NUP210: variants seen among roughly 807,000 people sequenced by gnomAD.
NUP210 encodes nuclear pore membrane glycoprotein 210.
Under a neutral mutation model 196.0 loss-of-function variants are expected in NUP210, and 151 were observed. The ratio of observed to expected loss-of-function variants is 0.77; its 90% CI spans 0.67 to 0.88. The LOEUF is 0.88. Among genes scored for constraint, NUP210 ranks in the 40% least tolerant of loss-of-function variants. The pLI, the probability that NUP210 is intolerant of heterozygous loss-of-function variation, is 0.00. For synonymous variants in NUP210, 1,070 were observed against 1,052.7 expected (o/e 1.02, Z -0.32); for missense variants, 2,314 against 2,493.7 (o/e 0.93, Z 1.53).
intron 3 of NUP210, 105 bp downstream of exon 3, chr3:13,397,252 A>G (rs769229346): frequency 3.5e-5 from 48 of 1,376,724 alleles, no homozygotes; most frequent in Non-Finnish European, 4.7e-5. Context: ...AGGGACCTGC[A>G]GGGTTGGATG....
At chr3:13,344,825 C>T in intron 20 of NUP210, 1 of 663,682 alleles carries the variant, frequency 1.5e-6, no homozygotes, top group African/African-American at 2.0e-5. Flanking sequence ...CCTCGCAGCC[C>T]ACCTTAAAGA....
intron 16 of NUP210, chr3:13,354,385 C>T (rs968824678): frequency 3.7e-5 from 17 of 462,872 alleles, no homozygotes; most frequent in South Asian, 9.6e-5. Context: ...GCTGTCCCTA[C>T]GCATGAGTCA....
intron 28 of NUP210, among the ~76,000 whole-genome samples, chr3:13,334,643 C>A (rs1010919907): frequency 6.6e-6 from 1 of 152,086 alleles, no homozygotes; most frequent in Admixed American, 6.5e-5. Context: ...TTAGGAGCAC[C>A]CAGGGGTTAC....
intron 25 of NUP210, among the ~76,000 whole-genome samples, chr3:13,338,534 C>T (rs1697322359): frequency 6.6e-6 from 1 of 152,204 alleles, no homozygotes; most frequent in Non-Finnish European, 1.5e-5. Context: ...ATGCCTGGCA[C>T]ACAGTAAGTG....
rs1696307526 is a variant in NUP210 at position 13,317,267 on chromosome 3, C to G, written c.*414G>C. ...CCAAAAACCCCCTAAAGTAACTGGA[C>G]AATCCTTTCCCTGAGACCACTACAG... On this transcript the variant is annotated 3_prime_UTR_variant, in exon 40 of 40. Transcript: ENST00000254508. 2 of 201,774 alleles carry G rather than the reference C, an allele frequency of 9.9e-6. No individual in the cohort carries two copies. Among genetic ancestry groups the G allele is most frequent in the South Asian group, 1.5e-4 (2 of 13,740 alleles). 12.5% of individuals were successfully genotyped at this position (201,774 alleles called of 1,614,324 possible). A position where few individuals can be genotyped will look rare whatever the true frequency, so the allele number is the denominator to read the frequency against.
At position 13,379,543 on chromosome 3, in the gene NUP210, C is replaced by T. The variant is rs1699032849; in HGVS notation, c.976+20G>A. On this transcript the variant is annotated intron_variant, in intron 7 of 39. Transcript: ENST00000254508. The surrounding 1 kb of genome is among the most constrained non-coding windows in gnomAD (Gnocchi z 4.2). ...CAGCTCCGCCATGCCTAAGAACACA[C>T]AAGCCCAAGAAAAGGATATTCCTGT... The T allele has an allele frequency of 1.2e-6, 2 of 1,614,066 alleles. No homozygotes were observed. Among genetic ancestry groups the T allele is most frequent in the Non-Finnish European group, 1.7e-6 (2 of 1,180,000 alleles).
intron 16 of NUP210, among the ~76,000 whole-genome samples, chr3:13,357,613 T>C (rs1294007823): frequency 6.6e-6 from 1 of 152,150 alleles, no homozygotes; most frequent in African/African-American, 2.4e-5. Context: ...TCCCTTACCC[T>C]GGACACACTC....
rs560428056 is a variant in NUP210, at chr3:13,386,546, C to T, written c.685-139G>A. 338 of 1,150,272 alleles carry T rather than the reference C, an allele frequency of 2.9e-4. 1 individual carries two copies. The South Asian group carries it at 3.1e-3, about 11-fold the overall frequency. The allele number at this position is 1,150,272 out of a possible 1,614,324, so 71.3% of individuals were successfully genotyped here. ...AGAAACAAGATATCATTCCCAAATC[C>T]TCACTTTCAGAACCCAGAGGTCCCA... On this transcript the variant is annotated intron_variant, in intron 5 of 39. Coordinates refer to ENST00000254508, the MANE Select transcript of NUP210 (RefSeq NM_024923.4).
rs559851337 is a variant in NUP210 at position 13,323,536 on chromosome 3, G to A, written c.4645-104C>T. The stretch of plus-strand genomic sequence containing the variant: ...TGCAGTCTGTGACATAGTGTCACCC[G>A]TTTCACAGGTGGCAACACTGAGGCT... On this transcript the variant is annotated intron_variant, in intron 33 of 39. Coordinates refer to ENST00000254508, the MANE Select transcript of NUP210 (RefSeq NM_024923.4). The surrounding 1 kb of genome is among the most constrained non-coding windows in gnomAD (Gnocchi z 4.3). 1.7e-4 allele frequency: 219 copies of A among 1,322,256 alleles called. 4 individuals carry two copies. The East Asian group carries it at 4.8e-3, about 29-fold the overall frequency. The allele number at this position is 1,322,256 out of a possible 1,614,324, so 81.9% of individuals were successfully genotyped here.
chr3:13,388,084 A>C (rs1056756915), intron 5 of NUP210, among the ~76,000 whole-genome samples: 4 of 152,144 alleles, frequency 2.6e-5, no homozygotes, highest in Non-Finnish European at 4.4e-5. Flanking sequence ...GCACCCCTAG[A>C]GATGCTTTCT....
chr3:13,377,401 C>A, intron 9 of NUP210, 55 bp downstream of exon 9: 1 of 1,290,984 alleles, frequency 7.7e-7, no homozygotes, highest in South Asian at 1.2e-5. Flanking sequence ...TCAGCAGCCG[C>A]GTCAGACAAC....
At chr3:13,338,958 A>C (rs1027415257) in intron 25 of NUP210, among the ~76,000 whole-genome samples, 3 of 152,092 alleles carry the variant, frequency 2.0e-5, no homozygotes, top group African/African-American at 4.8e-5. Context: ...TCAGGAGAAA[A>C]ATCAGCCAGC....
Position 13,327,210 on chromosome 3 carries a change from A to G in NUP210, c.4507+7T>C, listed in dbSNP as rs774619924. 2.5e-6 allele frequency: 4 copies of G among 1,610,804 alleles called. No individual in the cohort carries two copies. Among genetic ancestry groups the G allele is most frequent in the African/African-American group, 2.7e-5 (2 of 74,850 alleles). ...CCACAGGTTCCCTTGCTCAGGATCT[A>G]TCTTACCTTCCAGGCTGGTCAGAAC... On this transcript the variant is annotated splice_region_variant and intron_variant, in intron 32 of 39. Transcript: ENST00000254508.
intron 17 of NUP210, 43 bp downstream of exon 17, chr3:13,353,870 GTC>G (rs779519812): frequency 3.9e-6 from 6 of 1,557,588 alleles, no homozygotes; most frequent in Non-Finnish European, 5.2e-6. Flanking sequence ...TTCCTGTCTG[GTC>G]TCTGTTCTCC....
At chr3:13,359,102 CT>C (rs1698285350) in intron 15 of NUP210, among the ~76,000 whole-genome samples, 3 of 152,196 alleles carry the variant, frequency 2.0e-5, no homozygotes, top group Admixed American at 2.0e-4. Context: ...ACACGAGCCC[CT>C]ACCCCTCCTG....
intron 16 of NUP210, 81 bp from the exon 17 acceptor site, chr3:13,354,188 A>G: frequency 5.7e-6 from 7 of 1,238,888 alleles, no homozygotes; most frequent in Non-Finnish European, 6.8e-6. Context: ...CTCTGAGGCC[A>G]GCAGCTGCCC....
Position 13,379,031 on chromosome 3 carries a change from G to C in NUP210, c.977-51C>G. 13 of 1,502,704 alleles carry C rather than the reference G, an allele frequency of 8.7e-6. No homozygotes were observed. The highest frequency in any genetic ancestry group is 1.2e-5 in the Non-Finnish European group (13 of 1,078,668). 93.1% of individuals were successfully genotyped at this position (1,502,704 alleles called of 1,614,324 possible). A position where few individuals can be genotyped will look rare whatever the true frequency, so the allele number is the denominator to read the frequency against. On this transcript the variant is annotated intron_variant, in intron 7 of 39. Coordinates refer to ENST00000254508, the MANE Select transcript of NUP210 (RefSeq NM_024923.4). This position sits in a 1 kb window ranked among gnomAD's most constrained non-coding sequence, Gnocchi z 4.2. ...CATATGACAGCAAATAAACCAGCTG[G>C]CTGGCCAGTTTCAGCTTGGCTCAGA... is the stretch of plus-strand genomic sequence containing the variant.
At chr3:13,402,100 G>A (rs929384815) in intron 1 of NUP210, among the ~76,000 whole-genome samples, 3 of 152,144 alleles carry the variant, frequency 2.0e-5, no homozygotes, top group Non-Finnish European at 2.9e-5. Context: ...ATGGGAGGCT[G>A]TGGGAGGGAG....
At chr3:13,397,540 C>G (rs749522039) in intron 2 of NUP210, 52 bp from the exon 3 acceptor site, 1 of 1,508,518 alleles carries the variant, frequency 6.6e-7, no homozygotes, top group African/African-American at 1.4e-5. Context: ...CCGCCCCTGG[C>G]TCCACTTCCA....
Sources: gnomAD v4.1 joint callset for allele counts (sites outside exome capture counted in the v4.1 genomes callset) on GRCh38, gnomAD v4.1.1 for gene constraint, Gnocchi (gnomAD v3.1) non-coding constraint, MANE v1.5 for transcripts, NCBI Gene and HGNC (gene_info 2026-07-23, HGNC 2026-07-21) for gene names.